Variants in BMPR2 observed in about 807,000 individuals in gnomAD.
BMPR2 encodes bone morphogenetic protein receptor type-2.
Under a neutral mutation model 100.8 loss-of-function variants are expected in BMPR2, and 29 were observed. That is an observed-to-expected ratio of 0.29 (90% confidence interval 0.21 to 0.39). The LOEUF is 0.39. Ranked by LOEUF, BMPR2 falls within the 10% of genes least tolerant of loss-of-function variation. The pLI, the probability that BMPR2 is intolerant of heterozygous loss-of-function variation, is 1.00. For missense variants in BMPR2, 1,011 were observed against 1,274.5 expected (o/e 0.79, Z 3.15); for synonymous variants, 382 against 442.3 (o/e 0.86, Z 1.71).
chr2:202,488,080 C>G (rs2105979342), intron 3 of BMPR2, among the ~76,000 whole-genome samples: 1 of 152,332 alleles, frequency 6.6e-6, no homozygotes, highest in Middle Eastern at 3.4e-3. Context: ...TGTATCCATT[C>G]ATTCATTCAA....
intron 3 of BMPR2, among the ~76,000 whole-genome samples, chr2:202,474,033 A>C (rs1297589060): frequency 6.6e-6 from 1 of 151,822 alleles, no homozygotes; most frequent in Non-Finnish European, 1.5e-5. Context: ...TGAACCCAGG[A>C]GGCAGAGGTT....
At chr2:202,400,824 A>G (rs570726996) in intron 1 of BMPR2, among the ~76,000 whole-genome samples, 2 of 152,260 alleles carry the variant, frequency 1.3e-5, no homozygotes, top group Admixed American at 1.3e-4. Context: ...ATTTTTGTTT[A>G]GTATTTTGTT....
At chr2:202,449,604 C>T (rs1691937329) in intron 1 of BMPR2, among the ~76,000 whole-genome samples, 1 of 152,160 alleles carries the variant, frequency 6.6e-6, no homozygotes, top group South Asian at 2.1e-4. Context: ...CCAATAAAAA[C>T]TTTGGACACT....
chr2:202,480,723 G>A (rs1692642049), intron 3 of BMPR2, among the ~76,000 whole-genome samples: 1 of 151,882 alleles, frequency 6.6e-6, no homozygotes. Flanking sequence ...GGAGGCCGAG[G>A]CGGGTGGATC....
intron 3 of BMPR2, among the ~76,000 whole-genome samples, chr2:202,485,629 C>T (rs1692762463): frequency 7.5e-6 from 1 of 134,124 alleles, no homozygotes; most frequent in South Asian, 2.5e-4. Context: ...TCACTACAGC[C>T]TCTGCCTCCC....
chr2:202,499,251 C>T (rs1371699955), intron 3 of BMPR2, among the ~76,000 whole-genome samples: 1 of 152,162 alleles, frequency 6.6e-6, no homozygotes, highest in African/African-American at 2.4e-5. Flanking sequence ...TTTGACCTCC[C>T]TTGGAGAGAT....
At chr2:202,516,153 T>C (rs1387543778) in intron 5 of BMPR2, among the ~76,000 whole-genome samples, 1 of 152,164 alleles carries the variant, frequency 6.6e-6, no homozygotes, top group East Asian at 1.9e-4. Flanking sequence ...TTTATATTTA[T>C]TAAGAATGAC....
chr2:202,492,923 G>A (rs376817167), intron 3 of BMPR2, among the ~76,000 whole-genome samples: 1 of 152,028 alleles, frequency 6.6e-6, no homozygotes, highest in African/African-American at 2.4e-5. Context: ...TGAGGGAGTT[G>A]CCTGCTGATG....
intron 9 of BMPR2, among the ~76,000 whole-genome samples, chr2:202,536,154 C>T (rs955745843): frequency 3.3e-5 from 5 of 152,096 alleles, no homozygotes; most frequent in East Asian, 1.9e-4. Flanking sequence ...ACTCTGTCAC[C>T]TAGGCTGGAG....
intron 1 of BMPR2, among the ~76,000 whole-genome samples, chr2:202,399,020 C>T (rs1420274260): frequency 2.0e-5 from 3 of 151,950 alleles, no homozygotes; most frequent in East Asian, 1.9e-4. Context: ...CCTAGCTACT[C>T]GGGAGGCTGA....
intron 1 of BMPR2, among the ~76,000 whole-genome samples, chr2:202,392,764 G>A (rs1690575742): frequency 6.6e-6 from 1 of 151,738 alleles, no homozygotes; most frequent in African/African-American, 2.4e-5. Context: ...AGGCCGAGGC[G>A]GGCAGATCAT....
chr2:202,459,044 A>G (rs927585155), intron 1 of BMPR2, among the ~76,000 whole-genome samples: 3 of 152,098 alleles, frequency 2.0e-5, no homozygotes, highest in African/African-American at 7.2e-5. Flanking sequence ...CTCTGCTGAA[A>G]ATCCTTTTTA....
At chr2:202,427,957 T>C (rs1691424626) in intron 1 of BMPR2, among the ~76,000 whole-genome samples, 1 of 152,132 alleles carries the variant, frequency 6.6e-6, no homozygotes, top group Non-Finnish European at 1.5e-5. Context: ...CCAGCCTGGG[T>C]GACAGAGTGA....
chr2:202,469,584 A>G (rs1692394213), intron 3 of BMPR2: 1 of 222,898 alleles, frequency 4.5e-6, no homozygotes, highest in East Asian at 1.6e-4. Flanking sequence ...GGTTCAAGTG[A>G]TCTCCTGTCT....
intron 1 of BMPR2, among the ~76,000 whole-genome samples, chr2:202,416,573 G>T (rs570247479): frequency 6.8e-4 from 102 of 150,204 alleles, no homozygotes; most frequent in Non-Finnish European, 1.2e-3. Context: ...CTACAGGCAC[G>T]TGCCACCACG....
At chr2:202,501,737 G>A (rs952935453) in intron 3 of BMPR2, among the ~76,000 whole-genome samples, 4 of 152,204 alleles carry the variant, frequency 2.6e-5, no homozygotes, top group Non-Finnish European at 4.4e-5. Flanking sequence ...ATGGCTATCA[G>A]ACAGCCACCT....
chr2:202,378,895 G>C (rs1690213625), intron 1 of BMPR2, among the ~76,000 whole-genome samples: 1 of 152,134 alleles, frequency 6.6e-6, no homozygotes, highest in Non-Finnish European at 1.5e-5. Flanking sequence ...AGAAATCTCA[G>C]AACATAGGCT....
intron 3 of BMPR2, among the ~76,000 whole-genome samples, chr2:202,473,634 A>G (rs1195399090): frequency 6.6e-6 from 1 of 151,806 alleles, no homozygotes; most frequent in East Asian, 1.9e-4. Flanking sequence ...TACTAAAAAT[A>G]GAAAAAATTA....
At chr2:202,391,291 T>TTTGTTGTTG (rs34935440) in intron 1 of BMPR2, among the ~76,000 whole-genome samples, 2 of 151,464 alleles carry the variant, frequency 1.3e-5, no homozygotes, top group African/African-American at 2.4e-5. Flanking sequence ...GTCTTATAGT[T>TTTGTTGTTG]TTGTTGTTGT....
Sources: gnomAD v4.1 joint callset for allele counts (sites outside exome capture counted in the v4.1 genomes callset) on GRCh38, gnomAD v4.1.1 for gene constraint, MANE v1.5 for transcripts, NCBI Gene and HGNC (gene_info 2026-07-23, HGNC 2026-07-21) for gene names.